Variants in ZNF726 observed in about 807,000 individuals in gnomAD.
The protein encoded by ZNF726 is zinc finger protein 726, also known as zinc finger protein 92 pseudogene 3.
A neutral mutation model predicts 11.6 loss-of-function variants in ZNF726; 15 were observed. The ratio of observed to expected loss-of-function variants is 1.29; its 90% CI spans 0.86 to 1.99. The LOEUF (loss-of-function observed/expected upper bound fraction) is 1.99. Among genes scored for constraint, ZNF726 ranks in the 30% most tolerant of loss-of-function variants. The pLI, the probability that ZNF726 is intolerant of heterozygous loss-of-function variation, is 0.00. For synonymous variants in ZNF726, 295 were observed against 243.6 expected, an observed-to-expected ratio of 1.21 and a Z score of -1.96; for missense variants, 890 against 725.6, an observed-to-expected ratio of 1.23 and a Z score of -2.60.
Position 23,933,600 on chromosome 19 carries a change from C to G in ZNF726, c.1484C>G (p.Thr495Ser), listed in dbSNP as rs145688653. The change falls in exon 4 of 4, where the codon ACC becomes AGC. Residue 495 changes from threonine to serine, a missense_variant. Coordinates refer to ENST00000594466, the MANE Select transcript of ZNF726 (RefSeq NM_001244038.2). ...ECGKAFSQSS[T>S]LTAHKIIHTG... Reference sequence around the variant, plus strand: ...GGCAAAGCTTTTAGCCAGTCCTCAACCCTTACTGCACATAAGATAATTCAT... The same window carrying G: ...GGCAAAGCTTTTAGCCAGTCCTCAAGCCTTACTGCACATAAGATAATTCAT... 1.9e-6 allele frequency: 3 copies of G among 1,607,412 alleles called. No individual in the cohort carries two copies. The highest frequency in any genetic ancestry group is 2.5e-6 in the Non-Finnish European group (3 of 1,178,230).
chr19:23,933,691 T>TAAAC lies in ZNF726; in HGVS notation c.1577_1580dup (p.His527GlnfsTer3). On this transcript the variant is annotated frameshift_variant, in exon 4 of 4. Coordinates refer to ENST00000594466, the MANE Select transcript of ZNF726 (RefSeq NM_001244038.2). LOFTEE classifies it low-confidence loss of function (END_TRUNC). ...CATTTATATTGTCCTCGACCCTATC[T>TAAAC]AAACATAAGAGGATTCACACTGGAG... The TAAAC allele has an allele frequency of 6.2e-7, 1 of 1,612,380 alleles. No homozygotes were observed.
At chr19:23,923,516 A>G (rs996799048) in intron 3 of ZNF726, 2 of 276,064 alleles carry the variant, frequency 7.2e-6, no homozygotes, top group African/African-American at 4.8e-5. Context: ...GGTTCAAGCC[A>G]TTCTCCTGCC....
chr19:23,935,882 C>G (rs1407809326), downstream of ZNF726: 1 of 152,624 alleles, frequency 6.6e-6, no homozygotes, highest in East Asian at 1.9e-4. Context: ...AATCTAATTA[C>G]CGTCAAAAGA....
intron 2 of ZNF726, chr19:23,919,714 G>A: frequency 1.8e-6 from 1 of 567,042 alleles, no homozygotes; most frequent in Non-Finnish European, 2.7e-6. Flanking sequence ...TAGATTAGTG[G>A]TAATTTCAGA....
downstream of ZNF726, among the ~76,000 whole-genome samples, chr19:23,936,712 T>C (rs937982707): frequency 1.3e-5 from 2 of 151,632 alleles, 1 homozygote; most frequent in South Asian, 4.1e-4. Context: ...GAAAAACTTT[T>C]TTTTTTTCAT....
downstream of ZNF726, among the ~76,000 whole-genome samples, chr19:23,936,779 G>A (rs1167561227): frequency 6.6e-6 from 1 of 150,626 alleles, no homozygotes; most frequent in African/African-American, 2.4e-5. Context: ...ATTTTTTAAG[G>A]TCACAGATCA....
intron 3 of ZNF726, among the ~76,000 whole-genome samples, chr19:23,922,159 C>T (rs1158996089): frequency 1.3e-5 from 2 of 152,186 alleles, no homozygotes; most frequent in Non-Finnish European, 2.9e-5. Context: ...TTGTAATTCT[C>T]ATTTAAATTT....
downstream of ZNF726, chr19:23,936,216 T>C (rs1272749866): frequency 1.3e-5 from 2 of 152,178 alleles, no homozygotes; most frequent in Non-Finnish European, 2.9e-5. Context: ...TCTATGTAAA[T>C]ATCAGGGAAT....
downstream of ZNF726, chr19:23,934,500 T>C: frequency 5.3e-6 from 2 of 376,838 alleles, no homozygotes; most frequent in Non-Finnish European, 1.0e-5. Context: ...AAATCTTTCT[T>C]TTTTTTCCAT....
At chr19:23,919,576 A>T in intron 2 of ZNF726, 77 bp downstream of exon 2, 2 of 1,458,890 alleles carry the variant, frequency 1.4e-6, no homozygotes, top group Non-Finnish European at 1.8e-6. Flanking sequence ...TTTTCTGGTA[A>T]TTTATGCTTT....
rs1568381464 is a variant in ZNF726, at chr19:23,934,336, TTCC to T, written c.*372_*374del. The T allele has an allele frequency of 1.8e-6, 1 of 565,724 alleles. No homozygotes were observed. The highest frequency in any genetic ancestry group is 3.5e-6 in the Non-Finnish European group (1 of 285,006). The allele number at this position is 565,724 out of a possible 1,614,324, so 35.0% of individuals were successfully genotyped here. ...AGGAATGTGGCAAAGCCTTTAAATG[TTCC>T]TCAACTGTTACTGAACATAAAGTAA... On this transcript the variant is annotated 3_prime_UTR_variant, in exon 4 of 4. Transcript: ENST00000594466.
At chr19:23,935,288 A>G (rs1254745325), downstream of ZNF726, 2 of 501,612 alleles carry the variant, frequency 4.0e-6, no homozygotes, top group African/African-American at 3.9e-5. Flanking sequence ...CTGGAGTAAA[A>G]CTCTACAAAT....
downstream of ZNF726, chr19:23,935,802 GC>G (rs1227974036): frequency 6.3e-6 from 1 of 157,870 alleles, no homozygotes; most frequent in Non-Finnish European, 1.4e-5. Context: ...TATAGACAAA[GC>G]AAAAAAGCCA....
rs1967705169 is a variant in ZNF726 at position 23,916,557 on chromosome 19, C to A, written c.3+1560C>A. Among the ~76,000 whole-genome samples, 2 of 152,168 alleles carry A rather than the reference C, an allele frequency of 1.3e-5. 1 individual carries two copies. The highest frequency in any genetic ancestry group is 4.1e-4 in the South Asian group (2 of 4,828). On this transcript the variant is annotated intron_variant, in intron 1 of 3. Coordinates refer to ENST00000594466, the MANE Select transcript of ZNF726 (RefSeq NM_001244038.2). ...TGTTGGCCAGGCTGGTCTTGAACTT[C>A]TGGTTTCAAGTCATCCTCCTGCCTC...
chr19:23,944,544 A>T (rs1250594588), intron 4 of ZNF726: 1 of 152,902 alleles, frequency 6.5e-6, no homozygotes, highest in African/African-American at 2.4e-5. Flanking sequence ...TGTTTGAGTT[A>T]CTTGTAAATT....
At chr19:23,939,104 C>A (rs896378494), downstream of ZNF726, among the ~76,000 whole-genome samples, 26 of 151,822 alleles carry the variant, frequency 1.7e-4, no homozygotes, top group Admixed American at 9.8e-4. Context: ...TATATGTTGT[C>A]TTTTATCCCT....
chr19:23,931,180 G>A lies in ZNF726; in HGVS notation c.227-1163G>A, dbSNP rs139008783. On this transcript the variant is annotated intron_variant, in intron 3 of 3. Transcript: ENST00000594466. ...GTAGAGATGGGGTTTCACCCTGTTA[G>A]CCAGGATGGTCTTGATCTCCTGACC... Among the ~76,000 whole-genome samples, 777 of 152,244 alleles carry A rather than the reference G, an allele frequency of 5.1e-3. 9 individuals carry two copies. The highest frequency in any genetic ancestry group is 0.018 in the African/African-American group (740 of 41,570).
chr19:23,933,378 G>T lies in ZNF726; in HGVS notation c.1262G>T (p.Gly421Val). ...NLTKHKIIHT[G>V]EKPYKCEECG... ...ACTAAACATAAGATAATTCATACTG[G>T]AGAGAAACCTTACAAGTGTGAAGAA... The change falls in exon 4 of 4, where the codon GGA becomes GTA. Residue 421 changes from glycine to valine, a missense_variant. Transcript: ENST00000594466. 1 of 1,612,766 alleles carries T rather than the reference G, an allele frequency of 6.2e-7. No homozygotes were observed.
intron 1 of ZNF726, among the ~76,000 whole-genome samples, chr19:23,916,583 G>C (rs190210492): frequency 1.3e-5 from 2 of 152,048 alleles, no homozygotes; most frequent in Non-Finnish European, 2.9e-5. Flanking sequence ...CTCCTGCCTC[G>C]GCCTCCCAAA....
Sources: allele counts gnomAD v4.1 joint callset (sites outside exome capture counted in the v4.1 genomes callset), GRCh38; gene constraint gnomAD v4.1.1; transcripts MANE v1.5; gene names NCBI Gene and HGNC (gene_info 2026-07-23, HGNC 2026-07-21).